The following DPY19L1 variants were observed in gnomAD, a reference collection of about 807,000 sequenced individuals.
The protein encoded by DPY19L1 is dpy-19 like C-mannosyltransferase 1.
In DPY19L1, 35 loss-of-function variants were observed where a neutral mutation model predicts 96.9. That is an observed-to-expected ratio of 0.36 (90% CI 0.28 to 0.48). DPY19L1 has a LOEUF of 0.48. DPY19L1 is among the 20% of genes least tolerant of loss of function. The pLI is 0.99. For missense variants in DPY19L1, 521 were observed against 777.9 expected (o/e 0.67, Z 3.93); for synonymous variants, 205 against 252.6 (o/e 0.81, Z 1.79).
intron 5 of DPY19L1, among the ~76,000 whole-genome samples, chr7:35,010,778 T>C (rs1279038003): frequency 6.6e-6 from 1 of 151,842 alleles, no homozygotes; most frequent in Non-Finnish European, 1.5e-5. Context: ...GCAAATTCAC[T>C]GATACGCCTC....
chr7:35,014,406 A>C (rs562277688), intron 3 of DPY19L1, among the ~76,000 whole-genome samples: 1 of 152,110 alleles, frequency 6.6e-6, no homozygotes, highest in South Asian at 2.1e-4. Flanking sequence ...GACAAAAAAA[A>C]AACAAGAAAA....
At chr7:35,030,284 T>C (rs868848730) in intron 1 of DPY19L1, among the ~76,000 whole-genome samples, 1 of 152,224 alleles carries the variant, frequency 6.6e-6, no homozygotes, top group Non-Finnish European at 1.5e-5. Flanking sequence ...GGACAAATTT[T>C]AGTATTAAAA....
intron 8 of DPY19L1, among the ~76,000 whole-genome samples, chr7:34,971,540 C>T (rs1784724504): frequency 6.6e-6 from 1 of 152,158 alleles, no homozygotes; most frequent in African/African-American, 2.4e-5. Context: ...GCAGCTGATG[C>T]AGCTTCAGAT....
chr7:34,958,004 A>C lies in DPY19L1; in HGVS notation c.1159T>G (p.Ser387Ala), dbSNP rs374462284. ...CTTACCCAAATAATTACCAAAGAAG[A>C]AGCATAATAAGAAGTTAATAACATT... ...NSMLLTSYYASSLVIIWGILA... is the reference protein window; with the variant it reads ...NSMLLTSYYAASLVIIWGILA... Residue 387 changes from serine to alanine, a missense_variant, in exon 11 of 22, where the codon TCT becomes GCT. By Grantham distance (99) the Ser-to-Ala change is moderately conservative. Coordinates refer to ENST00000638088, the MANE Select transcript of DPY19L1 (RefSeq NM_001366673.1). 9.5e-6 allele frequency: 15 copies of C among 1,581,368 alleles called. No homozygotes were observed. The highest frequency in any genetic ancestry group is 1.9e-5 in the Admixed American group (1 of 51,576).
chr7:34,935,535 G>C (rs981143297), intron 21 of DPY19L1, among the ~76,000 whole-genome samples: 3 of 152,026 alleles, frequency 2.0e-5, no homozygotes, highest in Admixed American at 6.6e-5. Flanking sequence ...ATACAATTAA[G>C]CCACTTGTAA....
At chr7:34,952,530 T>C (rs922622487) in intron 13 of DPY19L1, among the ~76,000 whole-genome samples, 2 of 152,122 alleles carry the variant, frequency 1.3e-5, no homozygotes, top group Admixed American at 1.3e-4. Flanking sequence ...CACTTGCAAA[T>C]AATTTTAGGA....
intron 7 of DPY19L1, among the ~76,000 whole-genome samples, chr7:34,974,406 A>G (rs1249386916): frequency 2.0e-5 from 3 of 152,222 alleles, no homozygotes; most frequent in African/African-American, 7.2e-5. Context: ...GACAAAGACC[A>G]TGTCAGAAAT....
At chr7:34,952,718 T>G (rs1784292862) in intron 13 of DPY19L1, among the ~76,000 whole-genome samples, 4 of 152,038 alleles carry the variant, frequency 2.6e-5, no homozygotes, top group Admixed American at 2.6e-4. Flanking sequence ...ACAAACTAGA[T>G]CAACACTCAT....
chr7:35,025,821 G>A (rs1390837096), intron 1 of DPY19L1, among the ~76,000 whole-genome samples: 2 of 152,090 alleles, frequency 1.3e-5, no homozygotes, highest in Non-Finnish European at 2.9e-5. Context: ...GTAACCTCCT[G>A]GTTTTGAAGA....
intron 11 of DPY19L1, among the ~76,000 whole-genome samples, chr7:34,957,655 T>C (rs1784407051): frequency 6.6e-6 from 1 of 152,138 alleles, no homozygotes; most frequent in Admixed American, 6.5e-5. Flanking sequence ...GCCTTGATCT[T>C]CTGAGCACAG....
chr7:34,997,895 T>C (rs1484484639), intron 6 of DPY19L1, among the ~76,000 whole-genome samples: 2 of 152,206 alleles, frequency 1.3e-5, no homozygotes, highest in Non-Finnish European at 2.9e-5. Context: ...GAATACTTCA[T>C]AGGCAACTTG....
intron 1 of DPY19L1, among the ~76,000 whole-genome samples, chr7:35,034,509 C>T (rs1423520872): frequency 2.0e-5 from 3 of 152,190 alleles, no homozygotes; most frequent in Admixed American, 2.0e-4. Context: ...CCCCTCTTTA[C>T]AAATATTAGC....
chr7:34,993,148 A>G (rs1317388787), intron 6 of DPY19L1, among the ~76,000 whole-genome samples: 1 of 152,180 alleles, frequency 6.6e-6, no homozygotes, highest in African/African-American at 2.4e-5. Context: ...TTAAACTTTT[A>G]TGTATTTAAA....
chr7:35,003,130 C>T lies in DPY19L1; in HGVS notation c.764+7338G>A, dbSNP rs1229225019. On this transcript the variant is annotated intron_variant, in intron 6 of 21. Coordinates refer to ENST00000638088, the MANE Select transcript of DPY19L1 (RefSeq NM_001366673.1). ...ACTCGGCCAAACAGTGAACCAAATA[C>T]GAAAGCAAATAAACACATTTTGCAA... Among the ~76,000 whole-genome samples the T allele has an allele frequency of 3.9e-5, 6 of 152,116 alleles. No homozygotes were observed. In the East Asian group the frequency reaches 7.7e-4, roughly 20 times the overall value.
intron 6 of DPY19L1, 65 bp from the exon 7 acceptor site, chr7:34,990,006 AAC>A: frequency 7.6e-7 from 1 of 1,313,898 alleles, no homozygotes; most frequent in Non-Finnish European, 1.1e-6. Context: ...AAAACCTTAA[AAC>A]ACATAATATC....
chr7:34,938,012 C>G lies in DPY19L1; in HGVS notation c.2072G>C (p.Trp691Ser). 2 of 1,613,702 alleles carry G rather than the reference C, an allele frequency of 1.2e-6. No individual in the cohort carries two copies. The highest frequency in any genetic ancestry group is 1.7e-6 in the Non-Finnish European group (2 of 1,179,856). ...KVNYYILEES[W>S]CVRRSKPGCS... The stretch of plus-strand genomic sequence containing the variant: ...TACTCACTTGGATCTTCTTACACAC[C>G]ATGACTCTTCTAGAATGTAATAGTT... Residue 691 changes from tryptophan (W) to serine (S), a missense_variant, in exon 21 of 22, where the codon TGG becomes TCG. Transcript: ENST00000638088.
chr7:34,941,834 T>C lies in DPY19L1; in HGVS notation c.1620A>G (p.Leu540=), dbSNP rs958815953. The C allele has an allele frequency of 1.9e-6, 3 of 1,585,180 alleles. No individual in the cohort carries two copies. The highest frequency in any genetic ancestry group is 1.7e-4 in the Middle Eastern group (1 of 5,990). ...TCAAGAAGAGTTTTAGTCTCATAAT[T>C]AAAATACCAAGGGCTGTATATGCTA... ...QLLAYTALGI[L]IMRLKLFLTP... Residue 540 remains leucine (L), a synonymous_variant, in exon 18 of 22, where the codon TTA becomes TTG. Transcript: ENST00000638088.
At chr7:34,983,660 A>C (rs189505701) in intron 7 of DPY19L1, among the ~76,000 whole-genome samples, 16 of 131,252 alleles carry the variant, frequency 1.2e-4, no homozygotes, top group Admixed American at 4.5e-4. Flanking sequence ...AAATACCCAA[A>C]GGGAGGAATA....
At position 34,952,050 on chromosome 7, in the gene DPY19L1, A is replaced by AC. The variant is rs1348527524; in HGVS notation, c.1321-2153_1321-2152insG. Among the ~76,000 whole-genome samples, 72 of 105,358 alleles carry AC rather than the reference A, an allele frequency of 6.8e-4. 1 individual carries two copies. Among genetic ancestry groups the AC allele is most frequent in the South Asian group, 5.1e-3 (17 of 3,322 alleles). The allele number at this position is 105,358 out of a possible 152,430, so 69.1% of individuals were successfully genotyped here. A position where few individuals can be genotyped will look rare whatever the true frequency, so the allele number is the denominator to read the frequency against. ...AAAGCCCTAGACTGAGATGGTTAAC[A>AC]TTGAATTACTAAACTTTCAAAAAAA... On this transcript the variant is annotated intron_variant, in intron 13 of 21. Transcript: ENST00000638088.
Sources: allele counts gnomAD v4.1 joint callset (sites outside exome capture counted in the v4.1 genomes callset), GRCh38; gene constraint gnomAD v4.1.1; transcripts MANE v1.5; gene names NCBI Gene and HGNC (gene_info 2026-07-23, HGNC 2026-07-21).